The following PTPN3 variants were observed in gnomAD, a reference collection of about 807,000 sequenced individuals.
The protein encoded by PTPN3 is tyrosine-protein phosphatase non-receptor type 3.
In PTPN3, 96 loss-of-function variants were observed where a neutral mutation model predicts 132.7. The ratio of observed to expected loss-of-function variants is 0.72; its 90% CI spans 0.61 to 0.86. The LOEUF (loss-of-function observed/expected upper bound fraction) is 0.86, where lower values mean the gene tolerates loss of function less well. Among genes scored for constraint, PTPN3 ranks in the 40% least tolerant of loss-of-function variants. PTPN3 has a pLI of 0.00. For missense variants in PTPN3, 1,125 were observed against 1,159.6 expected, an observed-to-expected ratio of 0.97 and a Z score of 0.43; for synonymous variants, 398 against 429.0, an observed-to-expected ratio of 0.93 and a Z score of 0.89.
At chr9:109,451,058 T>C in intron 5 of PTPN3, 4 of 972,014 alleles carry the variant, frequency 4.1e-6, no homozygotes, top group Non-Finnish European at 4.9e-6. Context: ...TTAATTTTTT[T>C]AAAGCATGTG....
At chr9:109,472,330 G>A (rs1460222903) in intron 1 of PTPN3, among the ~76,000 whole-genome samples, 1 of 152,218 alleles carries the variant, frequency 6.6e-6, no homozygotes, top group African/African-American at 2.4e-5. Context: ...AACCCGTTGA[G>A]TCAACCAGCA....
At chr9:109,449,348 G>A (rs1403528486) in intron 5 of PTPN3, 1 of 986,726 alleles carries the variant, frequency 1.0e-6, no homozygotes, top group Non-Finnish European at 1.2e-6. Flanking sequence ...TTCTTGGCTG[G>A]GGTACAAACC....
At chr9:109,531,182 G>T in the PTPN3 span, among the ~76,000 whole-genome samples, 8 of 152,262 alleles carry the variant, frequency 5.3e-5, no homozygotes, top group Non-Finnish European at 1.2e-4. Flanking sequence ...GTTTTCTTCT[G>T]TAGATGTCAT....
At chr9:109,498,589 G>C (rs555875734), upstream of PTPN3, among the ~76,000 whole-genome samples, 4 of 152,308 alleles carry the variant, frequency 2.6e-5, no homozygotes, top group African/African-American at 7.2e-5. This position sits in a 1 kb window ranked among gnomAD's most constrained non-coding sequence, Gnocchi z 4.2. Flanking sequence ...GCCTAGGGAA[G>C]GCAAGAAGTC....
the PTPN3 span, among the ~76,000 whole-genome samples, chr9:109,524,860 C>A: frequency 3.3e-5 from 5 of 152,160 alleles, no homozygotes; most frequent in African/African-American, 1.2e-4. Flanking sequence ...ACCTCTGCCT[C>A]CCGAGTAGCT....
chr9:109,439,436 T>C (rs1844294551), intron 7 of PTPN3, among the ~76,000 whole-genome samples: 1 of 152,234 alleles, frequency 6.6e-6, no homozygotes, highest in Non-Finnish European at 1.5e-5. Flanking sequence ...TGTAGCTCGC[T>C]GCAATGCCAG....
At chr9:109,521,380 G>A in the PTPN3 span, among the ~76,000 whole-genome samples, 1 of 152,020 alleles carries the variant, frequency 6.6e-6, no homozygotes, top group Non-Finnish European at 1.5e-5. Context: ...GGCTGGTTTC[G>A]AACTCCCGAA....
At chr9:109,534,235 C>T in the PTPN3 span, 2 of 1,460,000 alleles carry the variant, frequency 1.4e-6, no homozygotes, top group Admixed American at 1.7e-5. Context: ...TCCTGTGCCG[C>T]TGCCCGTAGT....
chr9:109,492,156 C>T (rs1399518759), intron 1 of PTPN3, among the ~76,000 whole-genome samples: 3 of 152,202 alleles, frequency 2.0e-5, no homozygotes, highest in Non-Finnish European at 2.9e-5. Context: ...GCCAACCTCC[C>T]CTCCCCAGGC....
At chr9:109,430,587 G>GTCC (rs1843590018) in intron 10 of PTPN3, among the ~76,000 whole-genome samples, 1 of 152,150 alleles carries the variant, frequency 6.6e-6, no homozygotes, top group Non-Finnish European at 1.5e-5. Context: ...AAAGTTCTAT[G>GTCC]CCAGGCCCTG....
At chr9:109,534,251 G>A in the PTPN3 span, 22 of 1,506,854 alleles carry the variant, frequency 1.5e-5, no homozygotes, top group Non-Finnish European at 1.6e-5. Context: ...GTAGTGCCGG[G>A]CGTGGTGTCA....
In PTPN3 at chr9:109,378,474, T is replaced by C. The variant is rs1451965754; in HGVS notation, c.*1082A>G. The C allele has an allele frequency of 1.3e-5, 2 of 152,632 alleles. No individual in the cohort carries two copies. The highest frequency in any genetic ancestry group is 2.4e-5 in the African/African-American group (1 of 41,446). 9.5% of individuals were successfully genotyped at this position (152,632 alleles called of 1,614,324 possible). On this transcript the variant is annotated 3_prime_UTR_variant, in exon 26 of 26. Coordinates refer to ENST00000374541, the MANE Select transcript of PTPN3 (RefSeq NM_002829.4). ...GTGAATGCACACATTTGTTCTTCCA[T>C]ACAGAGACTCATTCTTTATATATAC...
intron 21 of PTPN3, 87 bp downstream of exon 21, chr9:109,391,051 G>A (rs1396063648): frequency 8.1e-7 from 1 of 1,237,982 alleles, no homozygotes; most frequent in Non-Finnish European, 1.2e-6. Context: ...AAAGCACTGT[G>A]TCAACTGCAA....
intron 1 of PTPN3, among the ~76,000 whole-genome samples, chr9:109,478,910 C>T (rs1232966397): frequency 2.0e-5 from 3 of 152,170 alleles, no homozygotes; most frequent in East Asian, 1.9e-4. Context: ...GAATCCAAAC[C>T]GGTGGCTCCT....
intron 2 of PTPN3, among the ~76,000 whole-genome samples, chr9:109,458,498 T>C (rs200196856): frequency 1.4e-5 from 2 of 140,976 alleles, no homozygotes; most frequent in Non-Finnish European, 3.1e-5. Context: ...AGCTCCTTTT[T>C]TTGAGTGCCT....
At position 109,461,058 on chromosome 9, in the gene PTPN3, G is replaced by A. The variant is rs180774881; in HGVS notation, c.138+2239C>T. Among the ~76,000 whole-genome samples, 3 of 152,308 alleles carry A rather than the reference G, an allele frequency of 2.0e-5. No individual in the cohort carries two copies. In the East Asian group the frequency reaches 5.8e-4, roughly 29 times the overall value. On this transcript the variant is annotated intron_variant, in intron 2 of 25. Transcript: ENST00000374541. ...ACACATACTAAACTATTAGTGTACA[G>A]CATCTGGAAGAGACATCTGTGACCT...
intron 13 of PTPN3, 50 bp downstream of exon 13, chr9:109,422,668 T>G (rs1339610441): frequency 6.7e-7 from 1 of 1,497,054 alleles, no homozygotes. Flanking sequence ...TTAAAAGAGA[T>G]AAAGTGTCTA....
chr9:109,531,099 T>C, the PTPN3 span, among the ~76,000 whole-genome samples: 666 of 152,342 alleles, frequency 4.4e-3, 6 homozygotes, highest in African/African-American at 0.015. Context: ...ATTTTGGCTT[T>C]TGTTGCCTGT....
At chr9:109,439,202 A>C (rs1844273297) in intron 7 of PTPN3, among the ~76,000 whole-genome samples, 1 of 152,230 alleles carries the variant, frequency 6.6e-6, no homozygotes, top group Non-Finnish European at 1.5e-5. Context: ...CACCAGGTGA[A>C]GAGCAAAGGA....
Sources: allele counts gnomAD v4.1 joint callset (sites outside exome capture counted in the v4.1 genomes callset), GRCh38; gene constraint gnomAD v4.1.1; non-coding constraint Gnocchi (gnomAD v3.1); transcripts MANE v1.5; gene names NCBI Gene and HGNC (gene_info 2026-07-23, HGNC 2026-07-21).